The following TMCC2 variants were observed in gnomAD, a reference collection of about 807,000 sequenced individuals.
The protein encoded by TMCC2 is transmembrane and coiled-coil domains protein 2.
In TMCC2, 16 loss-of-function variants were observed where a neutral mutation model predicts 49.4. The ratio of observed to expected loss-of-function variants is 0.32; its 90% CI spans 0.22 to 0.49. The LOEUF is 0.49. Ranked by LOEUF, TMCC2 falls within the 20% of genes least tolerant of loss-of-function variation. The probability of loss-of-function intolerance (pLI) is 0.99; values close to 1 mark genes in which losing one functional copy is unlikely to be tolerated. For synonymous variants in TMCC2, 397 were observed against 434.1 expected, an observed-to-expected ratio of 0.91 and a Z score of 1.06; for missense variants, 762 against 989.8, an observed-to-expected ratio of 0.77 and a Z score of 3.09.
Position 205,245,800 on chromosome 1 carries a change from T to A in TMCC2, c.747+3756T>A, listed in dbSNP as rs1012315498. Reference sequence around the variant, plus strand: ...GCTAAGCCAGCTGAAGATATCCCAATTTTTTTTTTTTTTTTTGAGAGAGTC... The same window carrying A: ...GCTAAGCCAGCTGAAGATATCCCAAATTTTTTTTTTTTTTTTGAGAGAGTC... On this transcript the variant is annotated intron_variant, in intron 2 of 4. Coordinates refer to ENST00000358024, the MANE Select transcript of TMCC2 (RefSeq NM_014858.4). Among the ~76,000 whole-genome samples, 7 of 128,122 alleles carry A rather than the reference T, an allele frequency of 5.5e-5. No homozygotes were observed. In the East Asian group the frequency reaches 1.1e-3, roughly 19 times the overall value. The allele number at this position is 128,122 out of a possible 152,430, so 84.1% of individuals were successfully genotyped here.
chr1:205,237,458 C>T (rs1039738906), intron 1 of TMCC2, among the ~76,000 whole-genome samples: 3 of 152,176 alleles, frequency 2.0e-5, no homozygotes, highest in Non-Finnish European at 4.4e-5. Context: ...GTTTCAAACC[C>T]AGGTAGGAGG....
rs189965904 is a variant in TMCC2, at chr1:205,250,898, G to A, written c.747+8854G>A. Among the ~76,000 whole-genome samples the A allele has an allele frequency of 9.5e-4, 145 of 152,274 alleles. 2 individuals are homozygous for A. The highest frequency in any genetic ancestry group is 3.3e-3 in the African/African-American group (137 of 41,566). ...ATCGGGTTCCAGACGGCAAGGAGCC[G>A]GCACTGATGATGTGGGCTGGGTCAT... On this transcript the variant is annotated intron_variant, in intron 2 of 4. Coordinates refer to ENST00000358024, the MANE Select transcript of TMCC2 (RefSeq NM_014858.4).
intron 2 of TMCC2, among the ~76,000 whole-genome samples, chr1:205,258,099 A>G (rs981873957): frequency 2.6e-5 from 4 of 152,048 alleles, no homozygotes; most frequent in Non-Finnish European, 5.9e-5. Context: ...GGGCAGGAGG[A>G]AGAACTTGCT....
chr1:205,251,612 C>T (rs1406915299), intron 2 of TMCC2, among the ~76,000 whole-genome samples: 1 of 152,226 alleles, frequency 6.6e-6, no homozygotes, highest in Non-Finnish European at 1.5e-5. Context: ...AAGACAAGTG[C>T]TCTGTAACAT....
intron 2 of TMCC2, among the ~76,000 whole-genome samples, chr1:205,266,592 A>G (rs1661344721): frequency 6.6e-6 from 1 of 151,606 alleles, no homozygotes. Flanking sequence ...CCGTCTCCAA[A>G]AAAAAACAAA....
Position 205,228,158 on chromosome 1 carries a change from C to T in TMCC2, c.-407C>T, listed in dbSNP as rs1659646345. The T allele has an allele frequency of 6.6e-6, 1 of 151,340 alleles. No homozygotes were observed. The allele number at this position is 151,340 out of a possible 1,614,324, so 9.4% of individuals were successfully genotyped here. On this transcript the variant is annotated 5_prime_UTR_variant, in exon 1 of 5. Transcript: ENST00000358024. Reference sequence around the variant, plus strand: ...CTGCCCGGCCGGCTGCCCCGCGCCCCGCCTCGCCCCGCAGCCCGGCCGGCC... The same window carrying T: ...CTGCCCGGCCGGCTGCCCCGCGCCCTGCCTCGCCCCGCAGCCCGGCCGGCC...
chr1:205,237,306 TG>T (rs1396768380), intron 1 of TMCC2, among the ~76,000 whole-genome samples: 1 of 152,120 alleles, frequency 6.6e-6, no homozygotes, highest in Non-Finnish European at 1.5e-5. Flanking sequence ...GTTTTTACAG[TG>T]ATTAGTTCTC....
intron 3 of TMCC2, among the ~76,000 whole-genome samples, chr1:205,270,312 T>C (rs1183258063): frequency 6.6e-6 from 1 of 152,180 alleles, no homozygotes; most frequent in Non-Finnish European, 1.5e-5. Context: ...TCCTTCTTCA[T>C]AGGGTCATAA....
chr1:205,247,802 T>C (rs558525716), intron 2 of TMCC2, among the ~76,000 whole-genome samples: 2 of 147,808 alleles, frequency 1.4e-5, no homozygotes, highest in Non-Finnish European at 3.0e-5. Context: ...CAGCTGGCTT[T>C]CGGACCAGAG....
chr1:205,228,836 A>G, intron 1 of TMCC2, 65 bp downstream of exon 1: 1 of 1,521,728 alleles, frequency 6.6e-7, no homozygotes, highest in Non-Finnish European at 8.8e-7. Flanking sequence ...CCCACGCAGA[A>G]GTGCTTTAAC....
chr1:205,254,812 T>G (rs1295317537), intron 2 of TMCC2, among the ~76,000 whole-genome samples: 2 of 152,088 alleles, frequency 1.3e-5, no homozygotes, highest in Non-Finnish European at 2.9e-5. Flanking sequence ...AGACCTACCA[T>G]GCAGAGTGAA....
In TMCC2 at chr1:205,228,545, C is replaced by A; in HGVS notation, c.-20C>A. ...CGGCGCGCTGGAAGGACAGATTCCC[C>A]TTGCCGACCCACATACACCATGAAG... On this transcript the variant is annotated 5_prime_UTR_variant, in exon 1 of 5. Transcript: ENST00000358024. 1 of 1,582,246 alleles carries A rather than the reference C, an allele frequency of 6.3e-7. No individual in the cohort carries two copies. The highest frequency in any genetic ancestry group is 8.6e-7 in the Non-Finnish European group (1 of 1,158,272).
rs530243699 is a variant in TMCC2 at position 205,265,657 on chromosome 1, T to G, written c.748-3293T>G. On this transcript the variant is annotated intron_variant, in intron 2 of 4. Coordinates refer to ENST00000358024, the MANE Select transcript of TMCC2 (RefSeq NM_014858.4). ...GCTCACTGCAACCTCTGCCTCCCAGTTCAAGAAATTCTCCTGCCTCAGCCT... is the reference window on the plus strand; with the variant it reads ...GCTCACTGCAACCTCTGCCTCCCAGGTCAAGAAATTCTCCTGCCTCAGCCT... Among the ~76,000 whole-genome samples, 146 of 151,484 alleles carry G rather than the reference T, an allele frequency of 9.6e-4. 2 individuals carry two copies. The highest frequency in any genetic ancestry group is 3.3e-3 in the African/African-American group (138 of 41,356).
In TMCC2 at chr1:205,268,965, C is replaced by G. The variant is rs1234738878; in HGVS notation, c.763C>G (p.Leu255Val). 1 of 1,612,546 alleles carries G rather than the reference C, an allele frequency of 6.2e-7. No homozygotes were observed. Among genetic ancestry groups the G allele is most frequent in the Non-Finnish European group, 8.5e-7 (1 of 1,179,646 alleles). Residue 255 changes from leucine to valine, a missense_variant, in exon 3 of 5, where the codon CTG becomes GTG. Coordinates refer to ENST00000358024, the MANE Select transcript of TMCC2 (RefSeq NM_014858.4). ...GIGDKVDKGD[L>V]VALSLPAGHG... Reference sequence around the variant, plus strand: ...CTTTCCCCAGGTCGATAAGGGAGACCTGGTGGCCCTGAGCCTCCCCGCCGG... The same window carrying G: ...CTTTCCCCAGGTCGATAAGGGAGACGTGGTGGCCCTGAGCCTCCCCGCCGG...
Position 205,228,730 on chromosome 1 carries a change from G to C in TMCC2, c.166G>C (p.Ala56Pro). ...AACTTCAGACGCCGGCGCTGCCGCG[G>C]CGCCCAACCCAGGTCCCCGAAGCAA... Reference protein sequence around the residue: ...GPTSDAGAAAAPNPGPRSKPP... With the variant: ...GPTSDAGAAAPPNPGPRSKPP... The change falls in exon 1 of 5, where the codon GCG becomes CCG. Residue 56 changes from alanine to proline, a missense_variant. By Grantham distance (27) the Ala-to-Pro change is conservative. Around this residue, in one of 2 missense-constraint regions of TMCC2, gnomAD observed 322 missense variants for 353.1 expected, o/e 0.91. Transcript: ENST00000358024. 2 of 1,610,504 alleles carry C rather than the reference G, an allele frequency of 1.2e-6. No individual in the cohort carries two copies. Among genetic ancestry groups the C allele is most frequent in the Non-Finnish European group, 1.7e-6 (2 of 1,179,116 alleles).
intron 2 of TMCC2, chr1:205,257,302 G>T: frequency 1.6e-6 from 2 of 1,232,278 alleles, no homozygotes; most frequent in Non-Finnish European, 2.0e-6. Context: ...TCCGCAGACA[G>T]CTGGGGCCTC....
At position 205,271,242 on chromosome 1, in the gene TMCC2, C is replaced by G; in HGVS notation, c.1805C>G (p.Ala602Gly). 6.2e-7 allele frequency: 1 copy of G among 1,614,148 alleles called. No individual in the cohort carries two copies. Among genetic ancestry groups the G allele is most frequent in the Middle Eastern group, 1.7e-4 (1 of 6,058 alleles). ...EKVAYQSYER[A>G]RDIQEAVESC... ...GTGGCCTACCAGTCCTATGAGAGGG[C>G]ACGGGACATCCAGGTATGGCCAGGG... The change falls in exon 4 of 5, where the codon GCA (alanine) becomes GGA (glycine). Residue 602 changes from alanine to glycine, a missense_variant. Physicochemically the swap from Ala to Gly is moderately conservative, Grantham distance 60. Coordinates refer to ENST00000358024, the MANE Select transcript of TMCC2 (RefSeq NM_014858.4).
At chr1:205,229,004 A>C (rs563674128) in intron 1 of TMCC2, 1 of 1,353,640 alleles carries the variant, frequency 7.4e-7, no homozygotes, top group South Asian at 2.0e-5. Context: ...CAAGCGTTTT[A>C]GTGACTCACC....
intron 2 of TMCC2, among the ~76,000 whole-genome samples, chr1:205,245,269 A>G (rs1305092162): frequency 3.9e-5 from 6 of 152,204 alleles, no homozygotes; most frequent in African/African-American, 1.4e-4. Flanking sequence ...CTCCGGGGCA[A>G]GTGGAGCTGC....
Sources: gnomAD v4.1 joint callset for allele counts (sites outside exome capture counted in the v4.1 genomes callset) on GRCh38, gnomAD v4.1.1 for gene constraint, gnomAD v4.1.1 regional missense constraint, MANE v1.5 for transcripts, NCBI Gene and HGNC (gene_info 2026-07-23, HGNC 2026-07-21) for gene names.